The following AK4 variants were observed in gnomAD, a reference collection of about 807,000 sequenced individuals.
The protein encoded by AK4 is adenylate kinase 4, mitochondrial.
In AK4, 13 loss-of-function variants were observed where a neutral mutation model predicts 24.6. The observed-to-expected ratio is 0.53, with a 90% confidence interval of 0.34 to 0.84. AK4 has a LOEUF of 0.84. Ranked by LOEUF, AK4 falls within the 40% of genes least tolerant of loss-of-function variation. The probability of loss-of-function intolerance (pLI) is 0.01; values close to 1 mark genes in which losing one functional copy is unlikely to be tolerated. For synonymous variants in AK4, 88 were observed against 107.0 expected (o/e 0.82, Z 1.10); for missense variants, 192 against 288.2 (o/e 0.67, Z 2.42).
intron 1 of AK4, among the ~76,000 whole-genome samples, chr1:65,160,069 G>A (rs12401887): frequency 0.12 from 18,974 of 151,816 alleles, 1,628 homozygotes; most frequent in Admixed American, 0.23. Flanking sequence ...AGAAACTAGC[G>A]TTCAAACCTG....
chr1:65,217,358 T>C (rs1652163775), intron 2 of AK4, among the ~76,000 whole-genome samples: 1 of 152,226 alleles, frequency 6.6e-6, no homozygotes, highest in Non-Finnish European at 1.5e-5. Context: ...TACCCATTTT[T>C]AAGTTGTCAT....
At position 65,224,757 on chromosome 1, in the gene AK4, T is replaced by C. The variant is rs1264907606; in HGVS notation, c.444T>C (p.Ile148=). The change falls in exon 4 of 5, where the codon ATT becomes ATC. Residue 148 remains isoleucine (I), a synonymous_variant. Coordinates refer to ENST00000327299, the MANE Select transcript of AK4 (RefSeq NM_013410.4). The part of the protein sequence containing the change: ...LDFNPPHVHG[I]DDVTGEPLVQ... Reference sequence around the variant, plus strand: ...GGTTTATTTGGTATTTGTAGGGTATTGATGACGTCACTGGTGAACCGTTAG... The same window carrying C: ...GGTTTATTTGGTATTTGTAGGGTATCGATGACGTCACTGGTGAACCGTTAG... 6.2e-6 allele frequency: 10 copies of C among 1,612,004 alleles called. No individual in the cohort carries two copies. Among genetic ancestry groups the C allele is most frequent in the African/African-American group, 1.3e-5 (1 of 74,870 alleles).
chr1:65,176,379 C>T (rs571218498), intron 1 of AK4, among the ~76,000 whole-genome samples: 2 of 152,260 alleles, frequency 1.3e-5, no homozygotes, highest in African/African-American at 4.8e-5. Flanking sequence ...GAAGAGGCCT[C>T]ATGAAGCATT....
chr1:65,166,393 C>T (rs1173626757), intron 1 of AK4, among the ~76,000 whole-genome samples: 1 of 151,124 alleles, frequency 6.6e-6, no homozygotes, highest in Non-Finnish European at 1.5e-5. Context: ...TGTTTGTAAA[C>T]CCCCTATTAG....
At position 65,226,749 on chromosome 1, in the gene AK4, C is replaced by T. The variant is rs563201541; in HGVS notation, c.*572C>T. On this transcript the variant is annotated 3_prime_UTR_variant, in exon 5 of 5. Coordinates refer to ENST00000327299, the MANE Select transcript of AK4 (RefSeq NM_013410.4). ...TCCGGTAGGAATAACTCCTTTTCTA[C>T]ATCCACGCTCCATAGAGTCTCTCCT... 2 of 152,206 alleles carry T rather than the reference C, an allele frequency of 1.3e-5. No individual in the cohort carries two copies. Among genetic ancestry groups the T allele is most frequent in the African/African-American group, 4.8e-5 (2 of 41,428 alleles). The allele number at this position is 152,206 out of a possible 1,614,324, so 9.4% of individuals were successfully genotyped here. A position where few individuals can be genotyped will look rare whatever the true frequency, so the allele number is the denominator to read the frequency against.
chr1:65,164,431 TTC>T (rs961471035), intron 1 of AK4, among the ~76,000 whole-genome samples: 4 of 152,184 alleles, frequency 2.6e-5, no homozygotes, highest in East Asian at 1.9e-4. Flanking sequence ...CTCCCTACCT[TTC>T]TCTCTCTTTC....
intron 1 of AK4, chr1:65,154,413 T>A: frequency 2.5e-6 from 1 of 405,336 alleles, no homozygotes; most frequent in Non-Finnish European, 5.1e-6. Flanking sequence ...TGATTAAGAA[T>A]GCCCTTGGAA....
At chr1:65,154,483 G>A (rs985776970) in intron 1 of AK4, 2 of 522,308 alleles carry the variant, frequency 3.8e-6, no homozygotes, top group Non-Finnish European at 7.6e-6. Context: ...CAGCAAGATG[G>A]GTCACCAGCA....
chr1:65,173,647 G>A (rs1272363112), intron 1 of AK4, among the ~76,000 whole-genome samples: 1 of 152,094 alleles, frequency 6.6e-6, no homozygotes, highest in Non-Finnish European at 1.5e-5. Context: ...TGGGCAGATC[G>A]CTTGTGCTCA....
chr1:65,171,169 C>T (rs1187359902), intron 1 of AK4, among the ~76,000 whole-genome samples: 1 of 147,806 alleles, frequency 6.8e-6, no homozygotes, highest in South Asian at 2.2e-4. Context: ...CTATATTTCC[C>T]AGGCTGGTCT....
chr1:65,202,897 G>T (rs866363945), intron 2 of AK4, among the ~76,000 whole-genome samples: 22 of 115,446 alleles, frequency 1.9e-4, no homozygotes, highest in Non-Finnish European at 3.6e-4. Context: ...TTTAAGATGG[G>T]GTTGTGCTCT....
Position 65,148,479 on chromosome 1 carries a change from G to C in AK4, c.72G>C (p.Arg24Ser). 1 of 1,576,762 alleles carries C rather than the reference G, an allele frequency of 6.3e-7. No individual in the cohort carries two copies. The highest frequency in any genetic ancestry group is 8.6e-7 in the Non-Finnish European group (1 of 1,162,150). ...PGSGKGTVCQRIAQNFGLQHL... is the reference protein window; with the variant it reads ...PGSGKGTVCQSIAQNFGLQHL... The stretch of plus-strand genomic sequence containing the variant: ...CGGGCAAGGGCACCGTGTGCCAGAG[G>C]ATCGCCCAGAACTTTGGTCTCCAGC... Residue 24 changes from arginine to serine, a missense_variant, in exon 1 of 5, where the codon AGG (arginine) becomes AGC (serine). Physicochemically the swap from Arg to Ser is moderately radical, Grantham distance 110 (BLOSUM62 -1). Coordinates refer to ENST00000327299, the MANE Select transcript of AK4 (RefSeq NM_013410.4).
At chr1:65,199,166 C>T (rs1651582824) in intron 2 of AK4, among the ~76,000 whole-genome samples, 1 of 151,502 alleles carries the variant, frequency 6.6e-6, no homozygotes, top group Admixed American at 6.6e-5. Flanking sequence ...CCCCCCTGGA[C>T]TTTGAAGGTA....
At chr1:65,215,291 C>T (rs533792752) in intron 2 of AK4, among the ~76,000 whole-genome samples, 4 of 152,108 alleles carry the variant, frequency 2.6e-5, no homozygotes, top group Admixed American at 6.5e-5. Flanking sequence ...CCTGCCTTAG[C>T]CTCCTGATTA....
chr1:65,168,540 C>T lies in AK4; in HGVS notation c.145+19988C>T, dbSNP rs560242985. Among the ~76,000 whole-genome samples the T allele has an allele frequency of 5.3e-5, 8 of 152,264 alleles. No individual in the cohort carries two copies. The East Asian group carries it at 1.2e-3, about 22-fold the overall frequency. ...CTCCTGGCCTCAGGTGATCCTCCCC[C>T]GTCAGGCTCCCAAAGTACTGGGATT... On this transcript the variant is annotated intron_variant, in intron 1 of 4. Transcript: ENST00000327299.
At chr1:65,152,384 ATTTTTTTTTTTTTTTTTTTTT>A (rs552572978) in intron 1 of AK4, among the ~76,000 whole-genome samples, 3 of 16,440 alleles carry the variant, frequency 1.8e-4, no homozygotes, top group Non-Finnish European at 2.5e-4. Context: ...ATATATATAT[ATTTTTTTTTTTTTTTTTTTTT>A]TTTTTTTTTT....
chr1:65,148,577 CGGGGGCGAGCCGCGTTGGGCT>C, intron 1 of AK4, 25 bp downstream of exon 1: 1 of 1,575,880 alleles, frequency 6.3e-7, no homozygotes, highest in Non-Finnish European at 8.6e-7. Flanking sequence ...GGACGAGGGC[CGGGGGCGAGCCGCGTTGGGCT>C]GGGGTGAGGC....
At chr1:65,201,467 A>G (rs1334653570) in intron 2 of AK4, among the ~76,000 whole-genome samples, 1 of 152,250 alleles carries the variant, frequency 6.6e-6, no homozygotes, top group East Asian at 1.9e-4. Flanking sequence ...TAAGGGGACA[A>G]TATGGAAAAC....
chr1:65,209,516 G>A (rs908045734), intron 2 of AK4, among the ~76,000 whole-genome samples: 2 of 152,178 alleles, frequency 1.3e-5, no homozygotes, highest in Admixed American at 6.5e-5. Flanking sequence ...GATCCCTGCC[G>A]ACAGGGGATC....
Sources: gnomAD v4.1 joint callset for allele counts (sites outside exome capture counted in the v4.1 genomes callset) on GRCh38, gnomAD v4.1.1 for gene constraint, MANE v1.5 for transcripts, NCBI Gene and HGNC (gene_info 2026-07-23, HGNC 2026-07-21) for gene names.